The following TBCCD1 variants were observed in gnomAD, a reference collection of about 807,000 sequenced individuals.
TBCCD1 encodes the protein TBCC domain containing 1.
TBCCD1 carries 26 observed loss-of-function variants against 53.4 expected under a neutral mutation model. The observed-to-expected ratio is 0.49, with a 90% CI of 0.36 to 0.68. The LOEUF (loss-of-function observed/expected upper bound fraction) is 0.68. Ranked by LOEUF, TBCCD1 falls within the 30% of genes least tolerant of loss-of-function variation. The pLI is 0.00. For synonymous variants in TBCCD1, 245 were observed against 241.7 expected (o/e 1.01, Z -0.13); for missense variants, 558 against 669.5 (o/e 0.83, Z 1.84).
At chr3:186,558,344 T>C in intron 3 of TBCCD1, 73 bp downstream of exon 3, 7 of 1,513,288 alleles carry the variant, frequency 4.6e-6, no homozygotes, top group Non-Finnish European at 6.2e-6. Context: ...CTCATCATAA[T>C]TTTTAATGCA....
chr3:186,552,793 C>T (rs937420002), intron 6 of TBCCD1, among the ~76,000 whole-genome samples: 2 of 152,172 alleles, frequency 1.3e-5, no homozygotes, highest in Non-Finnish European at 2.9e-5. Context: ...ACACTTCTCT[C>T]CCTCCTTGCC....
intron 6 of TBCCD1, among the ~76,000 whole-genome samples, chr3:186,551,605 G>A (rs1010927537): frequency 6.6e-6 from 1 of 152,138 alleles, no homozygotes; most frequent in African/African-American, 2.4e-5. Flanking sequence ...CGACTCCAGA[G>A]GGCACCATTC....
chr3:186,558,956 G>A (rs895667101), intron 2 of TBCCD1, among the ~76,000 whole-genome samples: 1 of 152,158 alleles, frequency 6.6e-6, no homozygotes, highest in African/African-American at 2.4e-5. Flanking sequence ...TGTTGGCCAG[G>A]CTGGTCTTGA....
chr3:186,554,333 C>G lies in TBCCD1; in HGVS notation c.1465G>C (p.Val489Leu), dbSNP rs777386649. 4.3e-6 allele frequency: 7 copies of G among 1,614,238 alleles called. No individual in the cohort carries two copies. The highest frequency in any genetic ancestry group is 5.9e-6 in the Non-Finnish European group (7 of 1,180,042). The stretch of plus-strand genomic sequence containing the variant: ...CTTTGACCCAGTGCTTTCTGATATA[C>G]AGATGGAAGACCCCCGGGTATCTCT... ...TTEIPGGLPS[V>L]YQKALGQREQ... Residue 489 changes from valine to leucine, a missense_variant, in exon 6 of 8, where the codon GTA (valine) becomes CTA (leucine). By Grantham distance (32) the Val-to-Leu change is conservative. Coordinates refer to ENST00000338733, the MANE Select transcript of TBCCD1 (RefSeq NM_018138.5).
intron 2 of TBCCD1, among the ~76,000 whole-genome samples, chr3:186,562,514 G>A (rs1212272848): frequency 6.6e-6 from 1 of 152,204 alleles, no homozygotes; most frequent in African/African-American, 2.4e-5. Flanking sequence ...AAGGGTGACT[G>A]ACAAGGGCTA....
At chr3:186,563,888 A>G in intron 2 of TBCCD1, 106 bp downstream of exon 2, 1 of 1,348,092 alleles carries the variant, frequency 7.4e-7, no homozygotes. Context: ...ACAAAGTGAA[A>G]CTCTGTTTCT....
chr3:186,550,541 G>A (rs950907163), intron 7 of TBCCD1, among the ~76,000 whole-genome samples: 1 of 151,280 alleles, frequency 6.6e-6, no homozygotes, highest in African/African-American at 2.4e-5. Context: ...AGCTGAGATG[G>A]CGCCACTGCA....
chr3:186,558,677 A>G (rs1714610024), intron 2 of TBCCD1, 105 bp from the exon 3 acceptor site: 1 of 1,255,622 alleles, frequency 8.0e-7, no homozygotes, highest in Non-Finnish European at 1.1e-6. Context: ...GATCCTAAAA[A>G]AACCAACTTA....
At chr3:186,566,868 G>A (rs934938740) in intron 1 of TBCCD1, among the ~76,000 whole-genome samples, 12 of 152,188 alleles carry the variant, frequency 7.9e-5, no homozygotes, top group African/African-American at 2.2e-4. Context: ...ATGTAAAGAG[G>A]CTGCTCTGTG....
chr3:186,558,333 T>A (rs1714598112), intron 3 of TBCCD1, 84 bp downstream of exon 3: 15 of 1,476,362 alleles, frequency 1.0e-5, no homozygotes, highest in Admixed American at 2.2e-5. Context: ...ATGTAAGAAA[T>A]CTCATCATAA....
At chr3:186,547,655 G>A (rs2108451365) in intron 7 of TBCCD1, among the ~76,000 whole-genome samples, 1 of 148,530 alleles carries the variant, frequency 6.7e-6, no homozygotes, top group South Asian at 2.1e-4. Flanking sequence ...CGCCCAGGCT[G>A]GAGTGCAGTG....
chr3:186,564,081 T>C lies in TBCCD1; in HGVS notation c.249A>G (p.Ser83=), dbSNP rs766687100. ...WLYFEIFDSL[S]MKTPEERLEW... ...CCAGGCGCTCCTCAGGTGTCTTCAT[T>C]GAAAGACTATCAAATATTTCGAAGT... The change falls in exon 2 of 8, where the codon TCA becomes TCG. Residue 83 remains serine (S), a synonymous_variant. Transcript: ENST00000338733. The C allele has an allele frequency of 1.2e-6, 2 of 1,614,194 alleles. No homozygotes were observed.
intron 7 of TBCCD1, among the ~76,000 whole-genome samples, chr3:186,548,362 A>G (rs1389725894): frequency 3.3e-5 from 5 of 152,244 alleles, no homozygotes; most frequent in Non-Finnish European, 7.3e-5. Context: ...GAGGAAATGT[A>G]GGGGTTGGAG....
chr3:186,554,866 G>C (rs1714487063), intron 5 of TBCCD1, 32 bp downstream of exon 5: 2 of 1,606,220 alleles, frequency 1.2e-6, no homozygotes, highest in East Asian at 2.2e-5. Flanking sequence ...GAAAATGTCA[G>C]AACATCAGAA....
intron 3 of TBCCD1, 148 bp from the exon 4 acceptor site, chr3:186,556,923 C>A (rs549751378): frequency 1.0e-6 from 1 of 986,642 alleles, no homozygotes; most frequent in East Asian, 2.9e-5. Context: ...GTGATCCGCC[C>A]GGCTTGGCCT....
At chr3:186,547,564 A>AAT (rs1714248798) in intron 7 of TBCCD1, among the ~76,000 whole-genome samples, 1 of 150,722 alleles carries the variant, frequency 6.6e-6, no homozygotes, top group Non-Finnish European at 1.5e-5. Flanking sequence ...CCAAATTGCT[A>AAT]ATTCTTAATT....
intron 3 of TBCCD1, among the ~76,000 whole-genome samples, chr3:186,558,025 T>TA (rs1714589584): frequency 6.6e-6 from 1 of 152,242 alleles, no homozygotes; most frequent in Non-Finnish European, 1.5e-5. Flanking sequence ...TGTAATTACT[T>TA]AAACAACATG....
chr3:186,564,444 C>T (rs1714771324), intron 1 of TBCCD1, 72 bp from the exon 2 acceptor site: 2 of 1,006,420 alleles, frequency 2.0e-6, no homozygotes, highest in South Asian at 1.7e-5. Flanking sequence ...TGGAAGGTGA[C>T]CCCTCTCTCT....
At chr3:186,556,313 C>T (rs1446766636) in intron 4 of TBCCD1, 96 bp downstream of exon 4, 8 of 1,428,702 alleles carry the variant, frequency 5.6e-6, no homozygotes, top group South Asian at 1.4e-5. Context: ...TTTTTTAGGT[C>T]TTCTAGAGAA....
Sources: allele counts gnomAD v4.1 joint callset (sites outside exome capture counted in the v4.1 genomes callset), GRCh38; gene constraint gnomAD v4.1.1; transcripts MANE v1.5; gene names NCBI Gene and HGNC (gene_info 2026-07-23, HGNC 2026-07-21).